Variants in HEPHL1 observed in about 807,000 individuals in gnomAD.
The protein encoded by HEPHL1 is hephaestin like 1.
A neutral mutation model predicts 122.0 loss-of-function variants in HEPHL1; 123 were observed. The ratio of observed to expected loss-of-function variants is 1.01; its 90% CI spans 0.87 to 1.17. The LOEUF is 1.17. HEPHL1 is among the 50% of genes most tolerant of loss of function. The pLI, the probability that HEPHL1 is intolerant of heterozygous loss-of-function variation, is 0.00. For missense variants in HEPHL1, 1,452 were observed against 1,430.5 expected (o/e 1.01, Z -0.24); for synonymous variants, 527 against 508.9 (o/e 1.04, Z -0.48).
chr11:94,061,544 G>GTT (rs59149604), intron 2 of HEPHL1, among the ~76,000 whole-genome samples: 1 of 151,998 alleles, frequency 6.6e-6, no homozygotes, highest in African/African-American at 2.4e-5. Flanking sequence ...AGATAACATA[G>GTT]TTTTTTTAAA....
In HEPHL1 at chr11:94,067,657, A is replaced by C. The variant is rs375991157; in HGVS notation, c.970A>C (p.Asn324His). The C allele has an allele frequency of 1.9e-6, 3 of 1,613,812 alleles. No homozygotes were observed. Among genetic ancestry groups the C allele is most frequent in the Non-Finnish European group, 2.5e-6 (3 of 1,179,762 alleles). Reference sequence around the variant, plus strand: ...CAGAGGGCATCGGACTGATGTCGTCAACCTGTTCCCAGCCACCTTCCTTAC... The same window carrying C: ...CAGAGGGCATCGGACTGATGTCGTCCACCTGTTCCCAGCCACCTTCCTTAC... The part of the protein sequence containing the change: ...ISRGHRTDVV[N>H]LFPATFLTTE... The change falls in exon 5 of 20, where the codon AAC becomes CAC. Residue 324 changes from asparagine (N) to histidine (H), a missense_variant. Physicochemically the swap from Asn to His is moderately conservative, Grantham distance 68. Coordinates refer to ENST00000315765, the MANE Select transcript of HEPHL1 (RefSeq NM_001098672.2).
At chr11:94,090,924 C>A (rs1470714395) in intron 12 of HEPHL1, among the ~76,000 whole-genome samples, 1 of 152,186 alleles carries the variant, frequency 6.6e-6, no homozygotes, top group East Asian at 1.9e-4. Context: ...AAGGTCTCAG[C>A]ATCCCAGAAA....
In HEPHL1 at chr11:94,095,220, C is replaced by T. The variant is rs931317178; in HGVS notation, c.2434+1580C>T. Among the ~76,000 whole-genome samples, 10 of 152,150 alleles carry T rather than the reference C, an allele frequency of 6.6e-5. 1 individual carries two copies. The highest frequency in any genetic ancestry group is 2.9e-5 in the Non-Finnish European group (2 of 68,028). On this transcript the variant is annotated intron_variant, in intron 13 of 19. Coordinates refer to ENST00000315765, the MANE Select transcript of HEPHL1 (RefSeq NM_001098672.2). ...GTTTCAGCTTTCTACATATGGCTAG[C>T]CAGTTTTCCCAGCACCATTTATTAA...
intron 17 of HEPHL1, among the ~76,000 whole-genome samples, chr11:94,107,831 ATCAAG>A: frequency 6.8e-6 from 1 of 147,918 alleles, no homozygotes; most frequent in East Asian, 2.0e-4. Flanking sequence ...TTTATTACAA[ATCAAG>A]TCATTACAAA....
rs563089735 is a variant in HEPHL1 at position 94,037,851 on chromosome 11, C to T, written c.171-7822C>T. Among the ~76,000 whole-genome samples the T allele has an allele frequency of 4.0e-3, 608 of 150,518 alleles. 5 individuals carry two copies. Among genetic ancestry groups the T allele is most frequent in the African/African-American group, 0.014 (559 of 39,920 alleles). On this transcript the variant is annotated intron_variant, in intron 1 of 19. Coordinates refer to ENST00000315765, the MANE Select transcript of HEPHL1 (RefSeq NM_001098672.2). ...AAGGAACGCAGTTCCTCACCAGCAA[C>T]GGAACAAAGCTGGATGGAGAATGAT...
In HEPHL1 at chr11:94,112,980, T is replaced by A. The variant is rs931200428; in HGVS notation, c.*1086T>A. On this transcript the variant is annotated 3_prime_UTR_variant, in exon 20 of 20. Transcript: ENST00000315765. ...ATTCTATGGCTTTTAAAGACATACC[T>A]CTTCATGGAAGGAGAAAAAAGGAAA... 6.6e-5 allele frequency: 10 copies of A among 152,132 alleles called. 1 individual carries two copies. The highest frequency in any genetic ancestry group is 2.9e-5 in the Non-Finnish European group (2 of 68,036). 9.4% of individuals were successfully genotyped at this position (152,132 alleles called of 1,614,324 possible). A position where few individuals can be genotyped will look rare whatever the true frequency, so the allele number is the denominator to read the frequency against.
intron 2 of HEPHL1, among the ~76,000 whole-genome samples, chr11:94,059,413 G>T (rs1370859573): frequency 6.6e-6 from 1 of 152,032 alleles, no homozygotes. Context: ...ATAGGAATTG[G>T]CAAGCTGTCT....
chr11:94,099,054 T>C (rs1946345086), intron 13 of HEPHL1, among the ~76,000 whole-genome samples: 1 of 152,244 alleles, frequency 6.6e-6, no homozygotes, highest in Non-Finnish European at 1.5e-5. Flanking sequence ...TGTTGCTGGC[T>C]AGGAGCTGCG....
chr11:94,055,244 C>A, intron 2 of HEPHL1: 1 of 269,748 alleles, frequency 3.7e-6, no homozygotes, highest in Non-Finnish European at 7.4e-6. Flanking sequence ...GATTTTCCAC[C>A]ATGAATCTGG....
chr11:94,047,569 A>G (rs1459103226), intron 2 of HEPHL1, among the ~76,000 whole-genome samples: 1 of 152,180 alleles, frequency 6.6e-6, no homozygotes, highest in Non-Finnish European at 1.5e-5. Context: ...TAGTATTCCA[A>G]GGTGTATATG....
intron 14 of HEPHL1, 109 bp downstream of exon 14, chr11:94,101,444 G>C: frequency 9.2e-7 from 1 of 1,082,204 alleles, no homozygotes; most frequent in Non-Finnish European, 1.3e-6. Flanking sequence ...ATGTGTTTCA[G>C]CCATCATCTA....
At chr11:94,063,947 A>G (rs777578805) in intron 3 of HEPHL1, among the ~76,000 whole-genome samples, 11 of 152,230 alleles carry the variant, frequency 7.2e-5, no homozygotes, top group Non-Finnish European at 1.2e-4. Context: ...AAAAAATGAT[A>G]TTTCATAACA....
At chr11:94,046,398 C>T (rs1247502371) in intron 2 of HEPHL1, among the ~76,000 whole-genome samples, 1 of 150,836 alleles carries the variant, frequency 6.6e-6, no homozygotes, top group Admixed American at 6.6e-5. Context: ...ATGCCCGGCT[C>T]CCCTTCATGC....
chr11:94,049,609 A>C (rs1337289963), intron 2 of HEPHL1, among the ~76,000 whole-genome samples: 1 of 82,176 alleles, frequency 1.2e-5, no homozygotes, highest in African/African-American at 4.7e-5. Flanking sequence ...AATGAATCAT[A>C]GGATGTAGTA....
intron 17 of HEPHL1, among the ~76,000 whole-genome samples, chr11:94,107,564 C>G (rs982207848): frequency 2.0e-5 from 3 of 152,214 alleles, no homozygotes; most frequent in Non-Finnish European, 2.9e-5. Context: ...GTGTCAACTA[C>G]TTCCCCATAC....
intron 10 of HEPHL1, among the ~76,000 whole-genome samples, chr11:94,084,375 A>AATAAATAT (rs1202772306): frequency 7.0e-5 from 10 of 142,034 alleles, no homozygotes; most frequent in South Asian, 2.3e-4. Flanking sequence ...TAAATAAATA[A>AATAAATAT]ATATATAAAT....
In HEPHL1 at chr11:94,088,745, T is replaced by G; in HGVS notation, c.2081-10T>G. ...GCACCACACTCAATGCCGAGCCATT[T>G]CTCTTGCAGGTATTTTTAGGGTGTT... On this transcript the variant is annotated splice_polypyrimidine_tract_variant and intron_variant, in intron 11 of 19. Coordinates refer to ENST00000315765, the MANE Select transcript of HEPHL1 (RefSeq NM_001098672.2). 1 of 1,607,992 alleles carries G rather than the reference T, an allele frequency of 6.2e-7. No individual in the cohort carries two copies. The highest frequency in any genetic ancestry group is 1.1e-5 in the South Asian group (1 of 90,698).
At chr11:94,046,566 T>C (rs4753530) in intron 2 of HEPHL1, among the ~76,000 whole-genome samples, 83,170 of 146,070 alleles carry the variant, frequency 0.57, 24,056 homozygotes, top group African/African-American at 0.62. Context: ...AAGGGCAACA[T>C]GCTCCTATCT....
At chr11:94,094,054 T>A (rs4342990) in intron 13 of HEPHL1, among the ~76,000 whole-genome samples, 85,909 of 135,374 alleles carry the variant, frequency 0.63, 27,890 homozygotes, top group Admixed American at 0.74. Context: ...CACCTGCAGG[T>A]TTGTTACATA....
Sources: allele counts gnomAD v4.1 joint callset (sites outside exome capture counted in the v4.1 genomes callset), GRCh38; gene constraint gnomAD v4.1.1; transcripts MANE v1.5; gene names NCBI Gene and HGNC (gene_info 2026-07-23, HGNC 2026-07-21).